Variants in SLC12A6 observed in about 807,000 individuals in gnomAD.
The protein encoded by SLC12A6 is K-Cl cotransporter 3.
In SLC12A6, 66 loss-of-function variants were observed where a neutral mutation model predicts 135.3. The observed-to-expected ratio is 0.49, with a 90% CI of 0.40 to 0.60. The LOEUF (loss-of-function observed/expected upper bound fraction) is 0.60, where lower values mean the gene tolerates loss of function less well. Ranked by LOEUF, SLC12A6 falls within the 20% of genes least tolerant of loss-of-function variation. The probability of loss-of-function intolerance (pLI) is 0.00; values close to 1 mark genes in which losing one functional copy is unlikely to be tolerated. For synonymous variants in SLC12A6, 513 were observed against 508.8 expected, an observed-to-expected ratio of 1.01 and a Z score of -0.11; for missense variants, 1,058 against 1,452.3, an observed-to-expected ratio of 0.73 and a Z score of 4.41.
chr15:34,232,749 ATGCCATTTTAGT>A lies in SLC12A6; in HGVS notation c.*1120_*1131del, dbSNP rs1891023239. ...CTTCAACAGGTCAATGCCAATCTGT[ATGCCATTTTAGT>A]AAAGTAGGTAAGGAGAGTAGCCGCT... On this transcript the variant is annotated 3_prime_UTR_variant, in exon 26 of 26. Transcript: ENST00000354181. 6.6e-6 allele frequency: 1 copy of A among 152,638 alleles called. No individual in the cohort carries two copies. The highest frequency in any genetic ancestry group is 6.5e-5 in the Admixed American group (1 of 15,272). The allele number at this position is 152,638 out of a possible 1,614,324, so 9.5% of individuals were successfully genotyped here. A position where few individuals can be genotyped will look rare whatever the true frequency, so the allele number is the denominator to read the frequency against.
intron 16 of SLC12A6, among the ~76,000 whole-genome samples, chr15:34,242,846 C>T (rs942976876): frequency 6.6e-5 from 10 of 151,976 alleles, no homozygotes; most frequent in African/African-American, 1.2e-4. Context: ...CTGGCTAACA[C>T]GGTGAAACCC....
intron 2 of SLC12A6, among the ~76,000 whole-genome samples, chr15:34,300,986 GAGA>G (rs1046708546): frequency 6.6e-6 from 1 of 151,752 alleles, no homozygotes; most frequent in Non-Finnish European, 1.5e-5. Context: ...TTGTTTTTTT[GAGA>G]AGGAGTTTCA....
intron 16 of SLC12A6, among the ~76,000 whole-genome samples, chr15:34,242,465 G>A (rs1488009890): frequency 6.6e-6 from 1 of 152,188 alleles, no homozygotes; most frequent in Non-Finnish European, 1.5e-5. Flanking sequence ...TTCTATAGTT[G>A]TCTTATCATG....
chr15:34,254,413 G>A lies in SLC12A6; in HGVS notation c.1053C>T (p.Val351=). 6.2e-7 allele frequency: 1 copy of A among 1,613,178 alleles called. No individual in the cohort carries two copies. Among genetic ancestry groups the A allele is most frequent in the Non-Finnish European group, 8.5e-7 (1 of 1,179,108 alleles). ...CATAGATGGCCAAGATGGACACAAT[G>A]ACACAGGCCAGGAAAAGTGAGGCAA... ...NKFASLFLAC[V]IVSILAIYAG... Residue 351 remains valine, a synonymous_variant, in exon 9 of 26, where the codon GTC becomes GTT. Transcript: ENST00000354181.
At position 34,255,373 on chromosome 15, in the gene SLC12A6, C is replaced by A; in HGVS notation, c.765G>T (p.Met255Ile). 1 of 1,610,708 alleles carries A rather than the reference C, an allele frequency of 6.2e-7. No homozygotes were observed. The highest frequency in any genetic ancestry group is 1.1e-5 in the South Asian group (1 of 90,986). The change falls in exon 8 of 26, where the codon ATG becomes ATT. Residue 255 changes from methionine (M) to isoleucine (I), a missense_variant. Around this residue, in one of 6 missense-constraint regions of SLC12A6, gnomAD observed 139 missense variants for 202.2 expected, o/e 0.69. Coordinates refer to ENST00000354181, the MANE Select transcript of SLC12A6 (RefSeq NM_001365088.1). Reference protein sequence around the residue: ...GVVPAGGSYFMISRALGPEFG... With the variant: ...GVVPAGGSYFIISRALGPEFG... Reference sequence around the variant, plus strand: ...ACTCTGGGCCCAGTGCCCGGGAAATCATAAAGTATGAGCCCCCAGCTAAAA... The same window carrying A: ...ACTCTGGGCCCAGTGCCCGGGAAATAATAAAGTATGAGCCCCCAGCTAAAA...
intron 2 of SLC12A6, among the ~76,000 whole-genome samples, chr15:34,314,414 T>C (rs1566863895): frequency 6.6e-6 from 1 of 152,186 alleles, no homozygotes; most frequent in Admixed American, 6.5e-5. Flanking sequence ...TCTTTCAAAA[T>C]ATTACTGCTC....
intron 2 of SLC12A6, among the ~76,000 whole-genome samples, chr15:34,319,565 A>G (rs1367090178): frequency 1.3e-5 from 2 of 152,018 alleles, no homozygotes; most frequent in Non-Finnish European, 2.9e-5. Context: ...TTGGGAGGCC[A>G]AGGTGGGCGG....
At chr15:34,234,954 G>A (rs972638765) in intron 25 of SLC12A6, among the ~76,000 whole-genome samples, 2 of 152,202 alleles carry the variant, frequency 1.3e-5, no homozygotes, top group Non-Finnish European at 2.9e-5. Flanking sequence ...TAGATGTCAT[G>A]TTGCAAATAC....
chr15:34,251,340 C>G (rs949349320), intron 10 of SLC12A6, among the ~76,000 whole-genome samples: 2 of 152,100 alleles, frequency 1.3e-5, no homozygotes, highest in Non-Finnish European at 2.9e-5. Flanking sequence ...CTCTGCCTCC[C>G]AGGTTCACGC....
chr15:34,267,611 G>A (rs1456657206), intron 3 of SLC12A6, among the ~76,000 whole-genome samples: 1 of 152,204 alleles, frequency 6.6e-6, no homozygotes, highest in Non-Finnish European at 1.5e-5. Flanking sequence ...CTCTTTGGGA[G>A]GCCATGGCAG....
At chr15:34,296,732 C>G (rs1168978978) in intron 2 of SLC12A6, among the ~76,000 whole-genome samples, 1 of 152,110 alleles carries the variant, frequency 6.6e-6, no homozygotes, top group African/African-American at 2.4e-5. Flanking sequence ...ACTGCCCCAT[C>G]CCTTTTTGCC....
chr15:34,332,834 T>C (rs1379934618), intron 2 of SLC12A6, among the ~76,000 whole-genome samples: 2 of 150,998 alleles, frequency 1.3e-5, no homozygotes, highest in East Asian at 1.9e-4. Flanking sequence ...AAATGACATA[T>C]AAAAATATGT....
intron 2 of SLC12A6, among the ~76,000 whole-genome samples, chr15:34,331,103 T>C (rs1201974248): frequency 6.6e-6 from 1 of 152,138 alleles, no homozygotes. Context: ...CAAAACAATA[T>C]AATTCACTTA....
chr15:34,314,826 T>TAAAAAAAAAAAAAAA (rs566307709), intron 2 of SLC12A6: 1 of 136,044 alleles, frequency 7.4e-6, no homozygotes, highest in Non-Finnish European at 1.6e-5. Context: ...TGACCAGCCT[T>TAAAAAAAAAAAAAAA]AAAAAAAAAA....
At chr15:34,256,328 A>T in intron 6 of SLC12A6, 45 bp from the exon 7 acceptor site, 1 of 1,257,038 alleles carries the variant, frequency 8.0e-7, no homozygotes, top group Non-Finnish European at 1.2e-6. Context: ...TGTAAAGATG[A>T]CATTTCTATA....
chr15:34,318,915 C>A (rs1249654975), intron 2 of SLC12A6: 5 of 989,628 alleles, frequency 5.1e-6, no homozygotes, highest in Admixed American at 3.1e-5. Flanking sequence ...AAGCACTCCA[C>A]CCTTGCTTAT....
In SLC12A6 at chr15:34,337,328, C is replaced by G. The variant is rs186595889; in HGVS notation, c.-73+4G>C. On this transcript the variant is annotated splice_donor_region_variant and intron_variant, in intron 1 of 25. Coordinates refer to ENST00000354181, the MANE Select transcript of SLC12A6 (RefSeq NM_001365088.1). ...GCACATGCATAACGGGAAAAATAAC[C>G]CACACTACTGAGAGAAGGGTGAGCA... The G allele has an allele frequency of 5.3e-4, 84 of 159,158 alleles. 2 individuals carry two copies. The highest frequency in any genetic ancestry group is 3.4e-3 in the Middle Eastern group (1 of 296). The allele number at this position is 159,158 out of a possible 1,614,324, so 9.9% of individuals were successfully genotyped here.
rs144391951 is a variant in SLC12A6 at position 34,259,965 on chromosome 15, A to G, written c.411+961T>C. On this transcript the variant is annotated intron_variant, in intron 4 of 25. Transcript: ENST00000354181. ...AGGGGAAGGGGGAGAGGTTAGTCAC[A>G]GGATACAAAGTTTCAGTTAGGCAGG... Among the ~76,000 whole-genome samples the G allele has an allele frequency of 2.7e-3, 416 of 152,352 alleles. 1 individual carries two copies. Among genetic ancestry groups the G allele is most frequent in the Non-Finnish European group, 5.0e-3 (343 of 68,034 alleles).
In SLC12A6 at chr15:34,258,875, G is replaced by C; in HGVS notation, c.481C>G (p.Gln161Glu). 6.2e-7 allele frequency: 1 copy of C among 1,612,688 alleles called. No individual in the cohort carries two copies. The highest frequency in any genetic ancestry group is 8.5e-7 in the Non-Finnish European group (1 of 1,178,756). Reference protein sequence around the residue: ...NRMANYTNLTQGAKEHEEAEN... With the variant: ...NRMANYTNLTEGAKEHEEAEN... The stretch of plus-strand genomic sequence containing the variant: ...GCCTCTTCATGTTCCTTTGCTCCTT[G>C]AGTCAGATTAGTGTAATTGGCCATG... The change falls in exon 5 of 26, where the codon CAA becomes GAA. Residue 161 changes from glutamine (Q) to glutamate (E), a missense_variant. Physicochemically the swap from Gln to Glu is conservative, Grantham distance 29 (BLOSUM62 2). Coordinates refer to ENST00000354181, the MANE Select transcript of SLC12A6 (RefSeq NM_001365088.1).
Sources: allele counts gnomAD v4.1 joint callset (sites outside exome capture counted in the v4.1 genomes callset), GRCh38; gene constraint gnomAD v4.1.1; regional missense constraint gnomAD v4.1.1; transcripts MANE v1.5; gene names NCBI Gene and HGNC (gene_info 2026-07-23, HGNC 2026-07-21).